MYO5B: variants seen among roughly 807,000 people sequenced by gnomAD.
MYO5B encodes myosin VB.
MYO5B carries 143 observed loss-of-function variants against 229.3 expected under a neutral mutation model. The ratio of observed to expected loss-of-function variants is 0.62; its 90% CI spans 0.54 to 0.72. The LOEUF (loss-of-function observed/expected upper bound fraction) is 0.72, where lower values mean the gene tolerates loss of function less well. Among genes scored for constraint, MYO5B ranks in the 30% least tolerant of loss-of-function variants. The probability of loss-of-function intolerance (pLI) is 0.00; values close to 1 mark genes in which losing one functional copy is unlikely to be tolerated. For missense variants in MYO5B, 2,321 were observed against 2,331.0 expected (o/e 1.00, Z 0.09); for synonymous variants, 918 against 885.2 (o/e 1.04, Z -0.66).
At chr18:49,885,074 A>G (rs2024628249) in intron 22 of MYO5B, among the ~76,000 whole-genome samples, 1 of 152,180 alleles carries the variant, frequency 6.6e-6, no homozygotes, top group South Asian at 2.1e-4. Context: ...CACTCTGGCA[A>G]TTCCTCAAAA....
intron 4 of MYO5B, 52 bp downstream of exon 4, chr18:50,036,781 GGAAGGTAAAAACTCCCC>G (rs2026452733): frequency 6.4e-7 from 1 of 1,569,404 alleles, no homozygotes; most frequent in South Asian, 1.1e-5. Flanking sequence ...CAGTTGCAGA[GGAAGGTAAAAACTCCCC>G]TTCCTGCCCA....
chr18:49,972,766 A>C (rs2025704795), intron 10 of MYO5B, among the ~76,000 whole-genome samples: 1 of 152,132 alleles, frequency 6.6e-6, no homozygotes, highest in Non-Finnish European at 1.5e-5. Flanking sequence ...CTCTCCCAAG[A>C]GCAACTACAA....
chr18:50,152,529 G>T (rs995718321), intron 1 of MYO5B, among the ~76,000 whole-genome samples: 2 of 152,150 alleles, frequency 1.3e-5, no homozygotes, highest in Non-Finnish European at 2.9e-5. Context: ...GGTACCAGAA[G>T]AGAGTTTGAA....
At chr18:49,903,782 T>C (rs2024869730) in intron 20 of MYO5B, among the ~76,000 whole-genome samples, 1 of 152,242 alleles carries the variant, frequency 6.6e-6, no homozygotes, top group Non-Finnish European at 1.5e-5. Context: ...TGTGTTGGTG[T>C]TACCTGGTTG....
intron 1 of MYO5B, among the ~76,000 whole-genome samples, chr18:50,139,911 A>G (rs2032392399): frequency 6.6e-6 from 1 of 152,210 alleles, no homozygotes; most frequent in African/African-American, 2.4e-5. Flanking sequence ...ACACATAAAT[A>G]TACATTTAAT....
At chr18:49,978,055 C>G (rs2025771577) in intron 9 of MYO5B, among the ~76,000 whole-genome samples, 1 of 152,182 alleles carries the variant, frequency 6.6e-6, no homozygotes, top group South Asian at 2.1e-4. Context: ...GAAGACCAGC[C>G]TAGACCACAA....
At chr18:49,957,355 A>T (rs1197556429) in intron 12 of MYO5B, among the ~76,000 whole-genome samples, 1 of 152,116 alleles carries the variant, frequency 6.6e-6, no homozygotes. Context: ...AAGGACCCCA[A>T]GGCCAACCAG....
chr18:50,188,785 T>TAAAAAAAAAAA (rs4042094), intron 1 of MYO5B, among the ~76,000 whole-genome samples: 7 of 105,140 alleles, frequency 6.7e-5, no homozygotes, highest in Non-Finnish European at 1.3e-4. Flanking sequence ...GACTCTGTCA[T>TAAAAAAAAAAA]AAAAAAAAAA....
chr18:49,902,432 T>C (rs577866463), intron 21 of MYO5B, among the ~76,000 whole-genome samples, 162 bp downstream of exon 21: 17 of 152,302 alleles, frequency 1.1e-4, no homozygotes, highest in South Asian at 1.0e-3. Context: ...TCTTTAGGGG[T>C]CACTGATCTG....
chr18:49,830,759 G>A (rs564287325), intron 39 of MYO5B, among the ~76,000 whole-genome samples: 22 of 150,840 alleles, frequency 1.5e-4, no homozygotes, highest in Non-Finnish European at 2.5e-4. Flanking sequence ...CTTGAACCTG[G>A]GAGGCGGAGG....
chr18:50,074,388 CAG>C (rs1441912142), intron 1 of MYO5B, among the ~76,000 whole-genome samples: 1 of 152,174 alleles, frequency 6.6e-6, no homozygotes, highest in Non-Finnish European at 1.5e-5. Flanking sequence ...AAACAGCAGT[CAG>C]AGCATCATTT....
intron 37 of MYO5B, among the ~76,000 whole-genome samples, 175 bp from the exon 38 acceptor site, chr18:49,837,060 A>G (rs1490200021): frequency 4.6e-5 from 7 of 152,266 alleles, no homozygotes; most frequent in African/African-American, 1.7e-4. Flanking sequence ...TAAAGAATGA[A>G]TAAATGAATG....
intron 22 of MYO5B, 95 bp downstream of exon 22, chr18:49,894,846 A>G (rs2024759115): frequency 9.0e-7 from 1 of 1,106,950 alleles, no homozygotes; most frequent in African/African-American, 1.5e-5. Context: ...GACCATGGCA[A>G]TTTTACCACT....
intron 1 of MYO5B, among the ~76,000 whole-genome samples, chr18:50,074,714 T>G (rs187304935): frequency 1.3e-5 from 2 of 152,206 alleles, no homozygotes; most frequent in East Asian, 3.9e-4. Context: ...CTTTCCACCA[T>G]CCCCACTATC....
At chr18:49,955,182 C>T (rs146657422) in intron 12 of MYO5B, among the ~76,000 whole-genome samples, 1 of 152,356 alleles carries the variant, frequency 6.6e-6, no homozygotes, top group African/African-American at 2.4e-5. Flanking sequence ...ATCTCTGCAT[C>T]TCTCACTGTC....
chr18:50,129,977 C>T (rs2032228422), intron 1 of MYO5B, among the ~76,000 whole-genome samples: 1 of 152,182 alleles, frequency 6.6e-6, no homozygotes, highest in Non-Finnish European at 1.5e-5. Flanking sequence ...CTCCTGCAGT[C>T]TTCCTTCAAA....
At chr18:49,932,839 C>T (rs377752964) in intron 16 of MYO5B, among the ~76,000 whole-genome samples, 4 of 152,232 alleles carry the variant, frequency 2.6e-5, no homozygotes, top group South Asian at 2.1e-4. Context: ...GAAAACCCAC[C>T]GTCAAATGCA....
At chr18:50,096,465 T>TAGA (rs1326172173) in intron 1 of MYO5B, among the ~76,000 whole-genome samples, 1 of 152,084 alleles carries the variant, frequency 6.6e-6, no homozygotes, top group African/African-American at 2.4e-5. Flanking sequence ...CACCAAGAGC[T>TAGA]AGAAGATCCC....
At chr18:49,902,856 A>T (rs754569431) in intron 20 of MYO5B, 23 bp from the exon 21 acceptor site, 1 of 1,597,870 alleles carries the variant, frequency 6.3e-7, no homozygotes, top group East Asian at 2.2e-5. Context: ...AAGGATACAC[A>T]TCTTGTGGGT....
Sources: allele counts gnomAD v4.1 joint callset (sites outside exome capture counted in the v4.1 genomes callset), GRCh38; gene constraint gnomAD v4.1.1; transcripts MANE v1.5; gene names NCBI Gene and HGNC (gene_info 2026-07-23, HGNC 2026-07-21).